XKR3: variants seen among roughly 807,000 people sequenced by gnomAD.
XKR3 encodes XK related 3, also known as XK-related protein 3.
In XKR3, 27 loss-of-function variants were observed where a neutral mutation model predicts 40.3. That is an observed-to-expected ratio of 0.67 (90% CI 0.49 to 0.92). XKR3 has a LOEUF of 0.92. XKR3 is among the 40% of genes least tolerant of loss of function. The pLI, the probability that XKR3 is intolerant of heterozygous loss-of-function variation, is 0.00. For synonymous variants in XKR3, 193 were observed against 195.4 expected, an observed-to-expected ratio of 0.99 and a Z score of 0.10; for missense variants, 472 against 537.6, an observed-to-expected ratio of 0.88 and a Z score of 1.21.
intron 1 of XKR3, among the ~76,000 whole-genome samples, chr22:16,809,403 C>A (rs896515140): frequency 6.6e-6 from 1 of 152,146 alleles, no homozygotes; most frequent in Admixed American, 6.5e-5. Context: ...ATTAAAAAAA[C>A]CATATTTTAC....
intron 1 of XKR3, among the ~76,000 whole-genome samples, chr22:16,816,864 T>C (rs181226858): frequency 6.6e-6 from 1 of 152,146 alleles, no homozygotes; most frequent in East Asian, 1.9e-4. Flanking sequence ...GAATTCCCAG[T>C]TGCATTTTCA....
rs2060195873 is a variant in XKR3, at chr22:16,807,792, TCTC to T, written c.279_281del (p.Arg94del). The T allele has an allele frequency of 1.9e-6, 3 of 1,612,794 alleles. No homozygotes were observed. The highest frequency in any genetic ancestry group is 1.7e-6 in the Non-Finnish European group (2 of 1,179,276). On this transcript the variant is annotated inframe_deletion, in exon 2 of 4. Transcript: ENST00000684488. ...GCCAAAAAAGTAATGCAGCCTTATT[TCTC>T]CTCAAGTCTTTGTTGAAAAACATCA...
chr22:16,813,740 A>G (rs2060222339), intron 1 of XKR3, among the ~76,000 whole-genome samples: 1 of 152,198 alleles, frequency 6.6e-6, no homozygotes, highest in Non-Finnish European at 1.5e-5. Flanking sequence ...CTTTTGAGAA[A>G]CTACCAGACT....
rs534600038 is a variant in XKR3 at position 16,825,394 on chromosome 22, G to A, written c.-114C>T. On this transcript the variant is annotated 5_prime_UTR_variant, in exon 1 of 4. It adds an upstream start codon to the 5' untranslated region. Transcript: ENST00000684488. The stretch of plus-strand genomic sequence containing the variant: ...TTTCTGGTCTCGTTTTCAACACTAC[G>A]TCCTTTGCTTTGCAGGTAAAATTGC... Among the ~76,000 whole-genome samples the A allele has an allele frequency of 2.5e-4, 38 of 152,226 alleles. No homozygotes were observed. In the South Asian group the frequency reaches 6.2e-3, roughly 25 times the overall value.
At chr22:16,819,764 A>G (rs1318893836) in intron 1 of XKR3, among the ~76,000 whole-genome samples, 1 of 152,192 alleles carries the variant, frequency 6.6e-6, no homozygotes, top group East Asian at 1.9e-4. Context: ...GATAAATTAG[A>G]TCAAATCAAA....
rs984560410 is a variant in XKR3 at position 16,793,655 on chromosome 22, G to A, written c.589+6116C>T. Among the ~76,000 whole-genome samples the A allele has an allele frequency of 8.1e-4, 123 of 152,206 alleles. 1 individual carries two copies. In the East Asian group the frequency reaches 0.02, roughly 25 times the overall value. On this transcript the variant is annotated intron_variant, in intron 3 of 3. Coordinates refer to ENST00000684488, the MANE Select transcript of XKR3 (RefSeq NM_001386955.1). ...AAGACCACCTGGTGACCATCAAATA[G>A]GCTGTCAAAGAGGCAAAACTCCTTG...
chr22:16,808,432 T>C (rs563518017), intron 1 of XKR3, among the ~76,000 whole-genome samples: 2 of 152,344 alleles, frequency 1.3e-5, no homozygotes, highest in South Asian at 2.1e-4. Flanking sequence ...TCAGCCAATG[T>C]CTGCAGCTGA....
chr22:16,792,073 T>A (rs2060122456), intron 3 of XKR3, among the ~76,000 whole-genome samples: 1 of 152,008 alleles, frequency 6.6e-6, no homozygotes, highest in Non-Finnish European at 1.5e-5. Context: ...TACCGAATAG[T>A]TGAGATTACA....
chr22:16,784,180 A>G lies in XKR3; in HGVS notation c.819T>C (p.Phe273=), dbSNP rs2060079123. The G allele has an allele frequency of 1.9e-6, 3 of 1,614,256 alleles. No individual in the cohort carries two copies. Among genetic ancestry groups the G allele is most frequent in the Admixed American group, 3.3e-5 (2 of 60,034 alleles). The change falls in exon 4 of 4, where the codon TTT becomes TTC. Residue 273 remains phenylalanine, a synonymous_variant. Coordinates refer to ENST00000684488, the MANE Select transcript of XKR3 (RefSeq NM_001386955.1). ...KSLPVLLIIY[F]VSLLAPWLEF... is the part of the protein sequence containing the mutation. ...CCAGCCACGGTGCCAACAATGATACAAAATATATGATTAACAAAACGGGTA... is the reference window on the plus strand; with the variant it reads ...CCAGCCACGGTGCCAACAATGATACGAAATATATGATTAACAAAACGGGTA...
intron 1 of XKR3, among the ~76,000 whole-genome samples, chr22:16,813,366 T>C (rs920528195): frequency 7.2e-5 from 11 of 152,122 alleles, no homozygotes; most frequent in Non-Finnish European, 1.5e-4. Flanking sequence ...AGGCATAAGT[T>C]AAGCAGGTTT....
chr22:16,821,919 G>C (rs1234169339), intron 1 of XKR3, among the ~76,000 whole-genome samples: 1 of 151,586 alleles, frequency 6.6e-6, no homozygotes, highest in African/African-American at 2.4e-5. Flanking sequence ...ACTCGTTCTG[G>C]GCATTTATTT....
intron 3 of XKR3, among the ~76,000 whole-genome samples, chr22:16,789,190 G>C (rs2060103707): frequency 6.6e-6 from 1 of 152,000 alleles, no homozygotes; most frequent in Non-Finnish European, 1.5e-5. Flanking sequence ...ACAAGAGAAA[G>C]AAAAGGTACC....
chr22:16,790,460 C>A (rs2146143593), intron 3 of XKR3, among the ~76,000 whole-genome samples: 1 of 151,560 alleles, frequency 6.6e-6, no homozygotes, highest in Non-Finnish European at 1.5e-5. Flanking sequence ...GCAAAACAAA[C>A]AAATACCACG....
chr22:16,807,686 A>G, intron 2 of XKR3, 53 bp downstream of exon 2: 3 of 1,415,662 alleles, frequency 2.1e-6, no homozygotes, highest in Non-Finnish European at 2.9e-6. Flanking sequence ...CCATCTATTT[A>G]TATTCAATTT....
intron 2 of XKR3, among the ~76,000 whole-genome samples, 178 bp downstream of exon 2, chr22:16,807,561 A>G (rs538787820): frequency 1.2e-4 from 18 of 152,358 alleles, no homozygotes; most frequent in African/African-American, 3.8e-4. Flanking sequence ...TCATTACCTT[A>G]TAACTGATGA....
intron 1 of XKR3, among the ~76,000 whole-genome samples, chr22:16,815,711 TC>T (rs1389658087): frequency 6.6e-6 from 1 of 151,950 alleles, no homozygotes; most frequent in African/African-American, 2.4e-5. Context: ...TGCAAAGTAT[TC>T]CTATTAACAA....
chr22:16,792,725 T>C (rs986341476), intron 3 of XKR3, among the ~76,000 whole-genome samples: 4 of 152,258 alleles, frequency 2.6e-5, no homozygotes, highest in Admixed American at 1.3e-4. Context: ...ACATCTGATG[T>C]CAAATGACAT....
chr22:16,821,293 C>T (rs1411953378), intron 1 of XKR3, among the ~76,000 whole-genome samples: 1 of 152,042 alleles, frequency 6.6e-6, no homozygotes. Flanking sequence ...TATGACAGTA[C>T]AGCCAAACTT....
At chr22:16,808,329 G>A (rs533733619) in intron 1 of XKR3, among the ~76,000 whole-genome samples, 71 of 152,216 alleles carry the variant, frequency 4.7e-4, no homozygotes, top group African/African-American at 1.7e-3. Context: ...CTTCTATAAG[G>A]CATCAACTAC....
Sources: allele counts gnomAD v4.1 joint callset (sites outside exome capture counted in the v4.1 genomes callset), GRCh38; gene constraint gnomAD v4.1.1; transcripts MANE v1.5; gene names NCBI Gene and HGNC (gene_info 2026-07-23, HGNC 2026-07-21).